The following ANO4 variants were observed in gnomAD, a reference collection of about 807,000 sequenced individuals.
ANO4 encodes anoctamin 4, also known as anoctamin-4.
A neutral mutation model predicts 141.9 loss-of-function variants in ANO4; 69 were observed. The observed-to-expected ratio is 0.49, with a 90% CI of 0.40 to 0.59. The LOEUF (loss-of-function observed/expected upper bound fraction) is 0.59. Among genes scored for constraint, ANO4 ranks in the 20% least tolerant of loss-of-function variants. The probability of loss-of-function intolerance (pLI) is 0.00; values close to 1 mark genes in which losing one functional copy is unlikely to be tolerated. For synonymous variants in ANO4, 350 were observed against 394.3 expected (o/e 0.89, Z 1.33); for missense variants, 894 against 1,162.2 (o/e 0.77, Z 3.36).
At chr12:101,031,556 A>T (rs534363688) in intron 9 of ANO4, among the ~76,000 whole-genome samples, 1 of 152,178 alleles carries the variant, frequency 6.6e-6, no homozygotes, top group South Asian at 2.1e-4. Flanking sequence ...ACTCTTACTC[A>T]TCATAGTATT....
chr12:101,126,277 A>G (rs1778029541), intron 26 of ANO4, among the ~76,000 whole-genome samples: 1 of 152,180 alleles, frequency 6.6e-6, no homozygotes, highest in African/African-American at 2.4e-5. Context: ...TTCCTTGGTC[A>G]CCATTATATA....
chr12:100,753,211 T>G (rs749076716), intron 3 of ANO4, among the ~76,000 whole-genome samples: 2 of 152,114 alleles, frequency 1.3e-5, no homozygotes, highest in Non-Finnish European at 2.9e-5. Flanking sequence ...GAGCCCAAAA[T>G]TAAAGATGGG....
intron 3 of ANO4, among the ~76,000 whole-genome samples, chr12:100,924,352 AG>A (rs1311381308): frequency 3.9e-5 from 6 of 152,106 alleles, no homozygotes; most frequent in Admixed American, 6.6e-5. Context: ...GGAACAACTG[AG>A]GGTGGAAGAA....
chr12:100,837,807 G>A (rs2037015891), intron 1 of ANO4, among the ~76,000 whole-genome samples: 1 of 150,864 alleles, frequency 6.6e-6, no homozygotes, highest in Non-Finnish European at 1.5e-5. Context: ...AGTGGTCAAA[G>A]TCACATAAAG....
intron 9 of ANO4, among the ~76,000 whole-genome samples, chr12:101,025,671 C>T (rs1023372481): frequency 6.6e-6 from 1 of 152,124 alleles, no homozygotes; most frequent in African/African-American, 2.4e-5. Context: ...TTTCCTCCTG[C>T]AAACATAAAG....
At chr12:101,052,757 A>G (rs764005059) in intron 14 of ANO4, among the ~76,000 whole-genome samples, 6 of 152,214 alleles carry the variant, frequency 3.9e-5, no homozygotes, top group Non-Finnish European at 7.3e-5. Flanking sequence ...TGGTAATTGT[A>G]TGTTGAAAAA....
At chr12:100,936,285 A>G (rs1373358080) in intron 3 of ANO4, among the ~76,000 whole-genome samples, 2 of 152,148 alleles carry the variant, frequency 1.3e-5, no homozygotes, top group African/African-American at 4.8e-5. Context: ...TTAATATTCT[A>G]GGCTGGATCA....
intron 1 of ANO4, among the ~76,000 whole-genome samples, chr12:100,795,523 G>A (rs865862772): frequency 1.2e-4 from 18 of 152,188 alleles, no homozygotes; most frequent in East Asian, 5.8e-4. Context: ...GCACCTGCCC[G>A]TGTGGGTCTG....
intron 1 of ANO4, among the ~76,000 whole-genome samples, chr12:100,819,182 AAC>A: frequency 6.6e-6 from 1 of 151,830 alleles, no homozygotes. Context: ...ATATAACATA[AAC>A]AGAGAAGAAT....
chr12:100,727,592 A>C (rs192273954), intron 1 of ANO4, among the ~76,000 whole-genome samples: 62 of 152,146 alleles, frequency 4.1e-4, no homozygotes, highest in African/African-American at 1.3e-3. Flanking sequence ...AACAGCATTT[A>C]GTTTTTTTTG....
intron 9 of ANO4, among the ~76,000 whole-genome samples, chr12:101,021,336 G>C (rs2046516533): frequency 6.6e-6 from 1 of 152,122 alleles, no homozygotes; most frequent in South Asian, 2.1e-4. Flanking sequence ...GCAGGAGCTG[G>C]GTACTGTAGA....
At chr12:100,832,604 A>G (rs1022255535) in intron 1 of ANO4, among the ~76,000 whole-genome samples, 1 of 152,054 alleles carries the variant, frequency 6.6e-6, no homozygotes, top group South Asian at 2.1e-4. Context: ...GTTGGGAGGT[A>G]GCATCTACTT....
At chr12:101,010,848 T>C (rs1404586702) in intron 8 of ANO4, among the ~76,000 whole-genome samples, 3 of 152,218 alleles carry the variant, frequency 2.0e-5, no homozygotes, top group African/African-American at 7.2e-5. Context: ...TACATAACAA[T>C]CTACTACAAA....
At chr12:100,865,221 T>C (rs1055578246) in intron 1 of ANO4, among the ~76,000 whole-genome samples, 1 of 152,206 alleles carries the variant, frequency 6.6e-6, no homozygotes, top group Non-Finnish European at 1.5e-5. Context: ...TCTTCCACAA[T>C]GGTTGAACTA....
At chr12:100,829,109 A>G (rs2036508815) in intron 1 of ANO4, among the ~76,000 whole-genome samples, 1 of 152,056 alleles carries the variant, frequency 6.6e-6, no homozygotes, top group Admixed American at 6.6e-5. Context: ...TGTGGGAAAA[A>G]CATATATCTT....
chr12:101,077,947 AGC>A (rs2136846193), intron 14 of ANO4, among the ~76,000 whole-genome samples: 1 of 152,288 alleles, frequency 6.6e-6, no homozygotes, highest in African/African-American at 2.4e-5. Context: ...TGCCAACAGT[AGC>A]ACAGCTTGTA....
intron 9 of ANO4, among the ~76,000 whole-genome samples, chr12:101,030,284 A>T (rs1324053486): frequency 2.0e-5 from 3 of 152,246 alleles, no homozygotes; most frequent in African/African-American, 7.2e-5. Flanking sequence ...AGTCTCTCAG[A>T]CTACAGTGCA....
At chr12:100,859,579 T>A (rs1193003505) in intron 1 of ANO4, among the ~76,000 whole-genome samples, 2 of 152,180 alleles carry the variant, frequency 1.3e-5, no homozygotes, top group Admixed American at 6.5e-5. Context: ...GATACATGGA[T>A]CAAAGATAAT....
chr12:100,806,367 G>A (rs2035022477), intron 1 of ANO4, among the ~76,000 whole-genome samples: 1 of 152,000 alleles, frequency 6.6e-6, no homozygotes, highest in Admixed American at 6.6e-5. Flanking sequence ...TCTGCTGGGT[G>A]AAAAGTAGCA....
Sources: gnomAD v4.1 joint callset for allele counts (sites outside exome capture counted in the v4.1 genomes callset) on GRCh38, gnomAD v4.1.1 for gene constraint, MANE v1.5 for transcripts, NCBI Gene and HGNC (gene_info 2026-07-23, HGNC 2026-07-21) for gene names.